The following CLDN10 variants were observed in gnomAD, a reference collection of about 807,000 sequenced individuals.
CLDN10 encodes the protein claudin-10.
CLDN10 carries 15 observed loss-of-function variants against 22.9 expected under a neutral mutation model. The ratio of observed to expected loss-of-function variants is 0.65; its 90% confidence interval spans 0.44 to 1.01. The LOEUF is 1.01. CLDN10 is among the 50% of genes least tolerant of loss of function. The pLI is 0.00. For synonymous variants in CLDN10, 114 were observed against 111.4 expected, an observed-to-expected ratio of 1.02 and a Z score of -0.15; for missense variants, 247 against 287.8, an observed-to-expected ratio of 0.86 and a Z score of 1.03.
At chr13:95,485,274 C>T (rs894943321) in intron 1 of CLDN10, among the ~76,000 whole-genome samples, 24 of 151,688 alleles carry the variant, frequency 1.6e-4, no homozygotes, top group Non-Finnish European at 2.4e-4. Context: ...CCTAGCACTG[C>T]GCCTGGTCCC....
In CLDN10 at chr13:95,560,164, G is replaced by T. The variant is rs774156411; in HGVS notation, c.253G>T (p.Ala85Ser). 3 of 1,614,126 alleles carry T rather than the reference G, an allele frequency of 1.9e-6. No homozygotes were observed. Among genetic ancestry groups the T allele is most frequent in the Non-Finnish European group, 2.5e-6 (3 of 1,179,988 alleles). ...YIQACRGLMI[A>S]AVSLGFFGSI... ...ACAGGCATGTAGAGGACTTATGATC[G>T]CTGCTGTCAGCCTGGGCTTCTTTGG... is the stretch of plus-strand genomic sequence containing the variant. Residue 85 changes from alanine to serine, a missense_variant, in exon 2 of 5, where the codon GCT (alanine) becomes TCT (serine). Transcript: ENST00000299339.
rs557989697 is a variant in CLDN10 at position 95,489,249 on chromosome 13, C to T, written c.214+55202C>T. Among the ~76,000 whole-genome samples the T allele has an allele frequency of 1.1e-4, 17 of 152,208 alleles. No homozygotes were observed. In the South Asian group the frequency reaches 2.7e-3, roughly 24 times the overall value. ...CAGATGTAAGCCACCACGCCCGACC[C>T]TACTTTTAGTTCTTTAAGGACTCTC... On this transcript the variant is annotated intron_variant, in intron 1 of 4. Coordinates refer to the CLDN10 transcript ENST00000376873.
chr13:95,540,398 G>A (rs1309064860), intron 1 of CLDN10, among the ~76,000 whole-genome samples: 1 of 152,054 alleles, frequency 6.6e-6, no homozygotes, highest in Non-Finnish European at 1.5e-5. Context: ...GGGGGCTGAG[G>A]CAAGAGAATC....
chr13:95,443,351 A>G (rs1319518973), intron 1 of CLDN10, among the ~76,000 whole-genome samples: 1 of 152,258 alleles, frequency 6.6e-6, no homozygotes, highest in Non-Finnish European at 1.5e-5. Context: ...GGTCAAGGAA[A>G]AGAATCTTAT....
intron 1 of CLDN10, among the ~76,000 whole-genome samples, chr13:95,440,830 T>G (rs143480425): frequency 6.6e-6 from 1 of 152,360 alleles, no homozygotes; most frequent in East Asian, 1.9e-4. Context: ...GAAGGCACAA[T>G]GCTGAAAAGT....
Position 95,560,313 on chromosome 13 carries a change from C to CA in CLDN10, c.382+23dup. The CA allele has an allele frequency of 6.2e-7, 1 of 1,613,536 alleles. No homozygotes were observed. The highest frequency in any genetic ancestry group is 8.5e-7 in the Non-Finnish European group (1 of 1,179,468). The stretch of plus-strand genomic sequence containing the variant: ...TGTCAGGTAAATAGTAACTTTCTTC[C>CA]AAACAAGGTACTTGATGATGTTAAT... On this transcript the variant is annotated intron_variant, in intron 2 of 4. Coordinates refer to ENST00000299339, the MANE Select transcript of CLDN10 (RefSeq NM_006984.5).
At chr13:95,516,968 CTCCTTCCTTCCTTCCT>C (rs59808109) in intron 1 of CLDN10, among the ~76,000 whole-genome samples, 21,818 of 135,368 alleles carry the variant, frequency 0.16, 1,928 homozygotes, top group Middle Eastern at 0.27. Context: ...AATAGATTCT[CTCCTTCCTTCCTTCCT>C]TCCTTCCTTC....
intron 3 of CLDN10, among the ~76,000 whole-genome samples, chr13:95,576,106 G>A (rs2043920647): frequency 6.6e-6 from 1 of 152,174 alleles, no homozygotes; most frequent in Non-Finnish European, 1.5e-5. Flanking sequence ...CAAGTAGGCA[G>A]GGGTGCAGCA....
At chr13:95,456,559 C>T (rs1199500826) in intron 1 of CLDN10, among the ~76,000 whole-genome samples, 1 of 152,002 alleles carries the variant, frequency 6.6e-6, no homozygotes, top group Non-Finnish European at 1.5e-5. Flanking sequence ...TCAAGACCAG[C>T]TTGGGCAACA....
intron 3 of CLDN10, among the ~76,000 whole-genome samples, chr13:95,567,901 C>A (rs1182900807): frequency 2.0e-5 from 3 of 152,072 alleles, no homozygotes; most frequent in Non-Finnish European, 4.4e-5. Flanking sequence ...GTCGTTGGTT[C>A]TGTTTATGTG....
At chr13:95,437,624 T>C (rs1467703427) in intron 1 of CLDN10, among the ~76,000 whole-genome samples, 1 of 152,164 alleles carries the variant, frequency 6.6e-6, no homozygotes, top group Admixed American at 6.5e-5. Flanking sequence ...TCCGGATATA[T>C]AGCTGCAAAA....
intron 1 of CLDN10, among the ~76,000 whole-genome samples, chr13:95,449,283 G>T (rs548385053): frequency 6.6e-6 from 1 of 151,560 alleles, no homozygotes; most frequent in Non-Finnish European, 1.5e-5. Context: ...ACAGAATCTC[G>T]CTCTGTTGCC....
chr13:95,487,450 C>A (rs1435973567), intron 1 of CLDN10, among the ~76,000 whole-genome samples: 2 of 152,154 alleles, frequency 1.3e-5, no homozygotes, highest in Admixed American at 1.3e-4. Flanking sequence ...TTCCTCTGCA[C>A]TTCTCTTAGT....
intron 1 of CLDN10, among the ~76,000 whole-genome samples, chr13:95,441,904 C>T (rs1381368971): frequency 1.3e-5 from 2 of 152,202 alleles, no homozygotes; most frequent in Non-Finnish European, 2.9e-5. Flanking sequence ...GTAATCCTAG[C>T]ACTTTGGGAG....
At chr13:95,492,319 C>G (rs560979372) in intron 1 of CLDN10, among the ~76,000 whole-genome samples, 10 of 151,108 alleles carry the variant, frequency 6.6e-5, no homozygotes, top group Admixed American at 5.9e-4. Context: ...AGCTCAGACT[C>G]TCCTTGGGCA....
chr13:95,518,130 A>G (rs1277192957), intron 1 of CLDN10, among the ~76,000 whole-genome samples: 1 of 152,138 alleles, frequency 6.6e-6, no homozygotes, highest in Non-Finnish European at 1.5e-5. Context: ...TCACCTGAAA[A>G]ATGGTGATAA....
At chr13:95,499,469 G>T (rs1399942964) in intron 1 of CLDN10, among the ~76,000 whole-genome samples, 25 of 152,170 alleles carry the variant, frequency 1.6e-4, no homozygotes. Context: ...TTGAACCCGG[G>T]AGGCAGAGTT....
intron 1 of CLDN10, among the ~76,000 whole-genome samples, chr13:95,435,676 A>T (rs780555685): frequency 3.9e-5 from 6 of 152,140 alleles, no homozygotes; most frequent in Non-Finnish European, 7.4e-5. Flanking sequence ...GTGTGTGTGG[A>T]GACCCTCTTG....
intron 1 of CLDN10, among the ~76,000 whole-genome samples, chr13:95,525,614 C>T (rs2043272336): frequency 1.3e-5 from 2 of 152,126 alleles, no homozygotes; most frequent in African/African-American, 4.8e-5. Context: ...GCCTTAGCCT[C>T]CAAAGTAGCT....
Sources: gnomAD v4.1 joint callset for allele counts (sites outside exome capture counted in the v4.1 genomes callset) on GRCh38, gnomAD v4.1.1 for gene constraint, MANE v1.5 for transcripts, NCBI Gene and HGNC (gene_info 2026-07-23, HGNC 2026-07-21) for gene names.